Variants in MIA2 observed in about 807,000 individuals in gnomAD.
MIA2 encodes the protein melanoma inhibitory activity protein 2.
In MIA2, 127 loss-of-function variants were observed where a neutral mutation model predicts 167.8. The observed-to-expected ratio is 0.76, with a 90% CI of 0.66 to 0.88. The LOEUF (loss-of-function observed/expected upper bound fraction) is 0.88, where lower values mean the gene tolerates loss of function less well. Among genes scored for constraint, MIA2 ranks in the 40% least tolerant of loss-of-function variants. The probability of loss-of-function intolerance (pLI) is 0.00; values close to 1 mark genes in which losing one functional copy is unlikely to be tolerated. For missense variants in MIA2, 1,690 were observed against 1,624.7 expected (o/e 1.04, Z -0.69); for synonymous variants, 552 against 541.9 (o/e 1.02, Z -0.26).
In MIA2 at chr14:39,293,316, G is replaced by A. The variant is rs2060982458; in HGVS notation, c.2254G>A (p.Glu752Lys). The A allele has an allele frequency of 6.2e-7, 1 of 1,612,850 alleles. No individual in the cohort carries two copies. The highest frequency in any genetic ancestry group is 8.5e-7 in the Non-Finnish European group (1 of 1,179,358). ...LNRSNSELED[E>K]ILCLEKELKE... ...CAGGTCCAATTCTGAACTTGAGGAT[G>A]AAATACTCTGTCTAGAAAAAGAGTT... is the stretch of plus-strand genomic sequence containing the variant. The change falls in exon 11 of 29, where the codon GAA becomes AAA. Residue 752 changes from glutamate (E) to lysine (K), a missense_variant. Coordinates refer to ENST00000640607, the MANE Select transcript of MIA2 (RefSeq NM_001329214.4).
At chr14:39,262,048 G>T (rs2055146041) in intron 6 of MIA2, among the ~76,000 whole-genome samples, 1 of 152,112 alleles carries the variant, frequency 6.6e-6, no homozygotes, top group African/African-American at 2.4e-5. Context: ...TGTTGTTTTA[G>T]ACATGAAGTC....
intron 24 of MIA2, among the ~76,000 whole-genome samples, chr14:39,325,298 G>C (rs1417808873): frequency 6.6e-6 from 1 of 151,542 alleles, no homozygotes; most frequent in Non-Finnish European, 1.5e-5. Flanking sequence ...ATATAATTTT[G>C]AGAAGACCCC....
chr14:39,293,461 G>A (rs914787012), intron 11 of MIA2, 80 bp downstream of exon 11: 1 of 962,650 alleles, frequency 1.0e-6, no homozygotes. Flanking sequence ...ACTGGTTAAA[G>A]TATTACATTA....
chr14:39,368,574 G>C (rs1469666792), intron 23 of MIA2, among the ~76,000 whole-genome samples: 2 of 151,914 alleles, frequency 1.3e-5, no homozygotes, highest in Non-Finnish European at 2.9e-5. Flanking sequence ...CACTTACTCT[G>C]AAGACTCATT....
chr14:39,320,020 CTG>C (rs1360717354), intron 23 of MIA2, among the ~76,000 whole-genome samples: 3 of 152,004 alleles, frequency 2.0e-5, no homozygotes, highest in Admixed American at 2.0e-4. Flanking sequence ...AAATGAAAGT[CTG>C]TTTCTACATT....
chr14:39,332,886 A>G (rs137987202), intron 25 of MIA2, among the ~76,000 whole-genome samples: 121 of 152,226 alleles, frequency 7.9e-4, no homozygotes, highest in East Asian at 5.2e-3. Flanking sequence ...CTGGGAATCA[A>G]CAATTTCTTG....
At chr14:39,256,171 A>G (rs1166698754) in intron 6 of MIA2, among the ~76,000 whole-genome samples, 1 of 152,218 alleles carries the variant, frequency 6.6e-6, no homozygotes, top group Non-Finnish European at 1.5e-5. Context: ...TTACATAGAC[A>G]TGGACTCTCC....
intron 23 of MIA2, chr14:39,386,476 T>G (rs2075274424): frequency 1.3e-6 from 2 of 1,515,952 alleles, no homozygotes; most frequent in South Asian, 2.3e-5. Flanking sequence ...AGTCTTTTAC[T>G]GCCTGTACTT....
At chr14:39,261,063 A>G (rs1202736795) in intron 6 of MIA2, among the ~76,000 whole-genome samples, 4 of 151,880 alleles carry the variant, frequency 2.6e-5, no homozygotes, top group Non-Finnish European at 5.9e-5. Flanking sequence ...ATATGTATAC[A>G]TGTGCCATGT....
At chr14:39,265,415 G>C (rs1447983132) in intron 6 of MIA2, 2 of 1,610,832 alleles carry the variant, frequency 1.2e-6, no homozygotes, top group Non-Finnish European at 1.7e-6. Flanking sequence ...AAAGTCCAGA[G>C]GAAGAGGTGA....
intron 23 of MIA2, among the ~76,000 whole-genome samples, chr14:39,376,454 T>A (rs2075048232): frequency 6.6e-6 from 1 of 152,208 alleles, no homozygotes; most frequent in African/African-American, 2.4e-5. Context: ...GCTCTATCAT[T>A]TAAAAATTAT....
intron 6 of MIA2, chr14:39,265,362 T>A: frequency 6.3e-7 from 1 of 1,575,388 alleles, no homozygotes; most frequent in Non-Finnish European, 8.7e-7. Flanking sequence ...TTTATTTACA[T>A]GTTAGGAAAT....
chr14:39,247,804 A>C lies in MIA2; in HGVS notation c.1230A>C (p.Glu410Asp), dbSNP rs1272034274. ...ATGAAGAAGATGGTGGGGCAGATGA[A>C]CATGAACATCCTCTAACAAGTGAAT... The part of the protein sequence containing the change: ...RKNEEDGGAD[E>D]HEHPLTSELD... Residue 410 changes from glutamate to aspartate, a missense_variant, in exon 4 of 29, where the codon GAA (glutamate) becomes GAC (aspartate). Glu to Asp is a conservative substitution (Grantham distance 45). Coordinates refer to ENST00000640607, the MANE Select transcript of MIA2 (RefSeq NM_001329214.4). 6.2e-7 allele frequency: 1 copy of C among 1,611,658 alleles called. No individual in the cohort carries two copies. Among genetic ancestry groups the C allele is most frequent in the Non-Finnish European group, 8.5e-7 (1 of 1,179,514 alleles).
At chr14:39,305,407 C>T (rs1421781832) in intron 17 of MIA2, among the ~76,000 whole-genome samples, 1 of 152,210 alleles carries the variant, frequency 6.6e-6, no homozygotes, top group Non-Finnish European at 1.5e-5. Context: ...TTATCCCACT[C>T]CTTAATACAG....
chr14:39,242,875 C>A (rs2054115500), intron 3 of MIA2, among the ~76,000 whole-genome samples: 1 of 151,738 alleles, frequency 6.6e-6, no homozygotes, highest in Non-Finnish European at 1.5e-5. Context: ...GTAATCCCAG[C>A]ACTTTGGGAG....
At chr14:39,267,619 G>A in intron 6 of MIA2, 8 of 1,418,112 alleles carry the variant, frequency 5.6e-6, no homozygotes, top group Non-Finnish European at 7.7e-6. Context: ...AAGCCGCCGT[G>A]GTCAGAGGTC....
chr14:39,237,398 G>A (rs2053804414), intron 2 of MIA2: 1 of 296,574 alleles, frequency 3.4e-6, no homozygotes, highest in South Asian at 3.1e-5. Flanking sequence ...AAAGTGCCAG[G>A]ATTACAGGTG....
Position 39,299,867 on chromosome 14 carries a change from T to C in MIA2, c.2500T>C (p.Leu834=), listed in dbSNP as rs969763329. The C allele has an allele frequency of 1.9e-6, 3 of 1,597,788 alleles. No homozygotes were observed. The highest frequency in any genetic ancestry group is 2.6e-6 in the Non-Finnish European group (3 of 1,176,178). Residue 834 remains leucine (L), a synonymous_variant, in exon 14 of 29, where the codon TTG becomes CTG. Coordinates refer to ENST00000640607, the MANE Select transcript of MIA2 (RefSeq NM_001329214.4). The part of the protein sequence containing the change: ...SQLQESQKQL[L]QEAEVWKEQV... ...TTTTTAAAATTTTCATTTTCAGCTT[T>C]TGCAAGAAGCTGAAGTATGGAAAGA...
intron 9 of MIA2, among the ~76,000 whole-genome samples, chr14:39,284,621 C>A (rs1452910911): frequency 1.3e-5 from 2 of 152,074 alleles, no homozygotes; most frequent in Non-Finnish European, 2.9e-5. Flanking sequence ...TCTTTGTGTG[C>A]TCCTCAATTT....
Sources: allele counts gnomAD v4.1 joint callset (sites outside exome capture counted in the v4.1 genomes callset), GRCh38; gene constraint gnomAD v4.1.1; transcripts MANE v1.5; gene names NCBI Gene and HGNC (gene_info 2026-07-23, HGNC 2026-07-21).